Variants in FOXN2 observed in about 807,000 individuals in gnomAD.
The protein encoded by FOXN2 is forkhead box N2, also known as forkhead box protein N2.
Under a neutral mutation model 41.2 loss-of-function variants are expected in FOXN2, and 19 were observed. The ratio of observed to expected loss-of-function variants is 0.46; its 90% CI spans 0.32 to 0.68. The LOEUF (loss-of-function observed/expected upper bound fraction) is 0.68. FOXN2 is among the 30% of genes least tolerant of loss of function. The pLI is 0.03. For missense variants in FOXN2, 587 were observed against 509.4 expected (o/e 1.15, Z -1.47); for synonymous variants, 195 against 176.8 (o/e 1.10, Z -0.82).
chr2:48,370,156 C>T (rs72820439), intron 5 of FOXN2, among the ~76,000 whole-genome samples: 17,573 of 152,178 alleles, frequency 0.12, 1,458 homozygotes, highest in East Asian at 0.45. Context: ...ACATTCCATT[C>T]GTCTAGCTGT....
chr2:48,365,880 G>T (rs544049586), intron 5 of FOXN2, among the ~76,000 whole-genome samples: 3 of 152,244 alleles, frequency 2.0e-5, no homozygotes, highest in Admixed American at 2.0e-4. Context: ...TTGTTTTGGG[G>T]TATATTTCTG....
chr2:48,314,359 C>T (rs1270929017), upstream of FOXN2, among the ~76,000 whole-genome samples: 4 of 152,252 alleles, frequency 2.6e-5, no homozygotes, highest in Non-Finnish European at 4.4e-5. Flanking sequence ...CTTTCCCCTG[C>T]CCTGCTCAGC....
intron 2 of FOXN2, among the ~76,000 whole-genome samples, chr2:48,338,536 G>C (rs766103649): frequency 6.6e-6 from 1 of 152,022 alleles, no homozygotes; most frequent in Non-Finnish European, 1.5e-5. Context: ...CCAGCAGCCG[G>C]GACCACAGCC....
intron 3 of FOXN2, among the ~76,000 whole-genome samples, chr2:48,353,855 TA>T (rs1043118891): frequency 2.0e-5 from 3 of 151,974 alleles, no homozygotes; most frequent in African/African-American, 7.3e-5. Flanking sequence ...CTTTTTTTTT[TA>T]AACACTGTAC....
chr2:48,358,917 T>C (rs1391781476), intron 3 of FOXN2, 130 bp from the exon 4 acceptor site: 7 of 641,314 alleles, frequency 1.1e-5, no homozygotes, highest in Admixed American at 3.0e-5. Context: ...CATAGCAAGC[T>C]CACTTCAACC....
intron 4 of FOXN2, among the ~76,000 whole-genome samples, chr2:48,360,605 A>G (rs562168141): frequency 6.6e-6 from 1 of 152,292 alleles, no homozygotes; most frequent in South Asian, 2.1e-4. Context: ...TAAAAAGAAT[A>G]ACTGAGTGGT....
At chr2:48,370,901 T>C (rs994586369) in intron 5 of FOXN2, among the ~76,000 whole-genome samples, 7 of 152,230 alleles carry the variant, frequency 4.6e-5, no homozygotes, top group Non-Finnish European at 1.0e-4. Flanking sequence ...TCATCTTTGT[T>C]TTCTCCTGGT....
At position 48,375,550 on chromosome 2, in the gene FOXN2, T is replaced by G; in HGVS notation, c.*107T>G. Reference sequence around the variant, plus strand: ...GGGTAGGGAAGGGATACTAATTACTTATTTCTTTCAAAACATTTTTGGTTT... The same window carrying G: ...GGGTAGGGAAGGGATACTAATTACTGATTTCTTTCAAAACATTTTTGGTTT... On this transcript the variant is annotated 3_prime_UTR_variant, in exon 7 of 7. Transcript: ENST00000340553. The G allele has an allele frequency of 8.7e-7, 1 of 1,153,074 alleles. No homozygotes were observed. The highest frequency in any genetic ancestry group is 1.2e-6 in the Non-Finnish European group (1 of 843,654). The allele number at this position is 1,153,074 out of a possible 1,614,324, so 71.4% of individuals were successfully genotyped here.
intron 2 of FOXN2, among the ~76,000 whole-genome samples, chr2:48,332,559 A>G (rs1261650298): frequency 6.6e-6 from 1 of 152,182 alleles, no homozygotes; most frequent in Non-Finnish European, 1.5e-5. Context: ...CGTGAGGGAG[A>G]TCTATCCTTA....
intron 1 of FOXN2, among the ~76,000 whole-genome samples, chr2:48,320,541 C>A (rs538181454): frequency 1.3e-5 from 2 of 152,076 alleles, no homozygotes; most frequent in African/African-American, 4.8e-5. Context: ...CTGCCCACCT[C>A]GGCCTCCCAA....
intron 3 of FOXN2, among the ~76,000 whole-genome samples, chr2:48,349,667 C>T (rs557034840): frequency 2.5e-4 from 38 of 152,192 alleles, no homozygotes; most frequent in African/African-American, 7.2e-4. Flanking sequence ...CCCAGCTACT[C>T]GGGAGGCTGA....
Position 48,368,552 on chromosome 2 carries a change from C to A in FOXN2, c.704-4740C>A, listed in dbSNP as rs538132056. On this transcript the variant is annotated intron_variant, in intron 5 of 6. Transcript: ENST00000340553. The stretch of plus-strand genomic sequence containing the variant: ...ACCAAAAATATGAAAATTAGCCGGG[C>A]GTGGTGGTACACACCTGTGGTTCCA... Among the ~76,000 whole-genome samples, 22 of 152,116 alleles carry A rather than the reference C, an allele frequency of 1.4e-4. No individual in the cohort carries two copies. In the South Asian group the frequency reaches 4.2e-3, roughly 29 times the overall value.
intron 2 of FOXN2, among the ~76,000 whole-genome samples, chr2:48,336,894 A>T (rs1313051762): frequency 1.3e-5 from 2 of 152,168 alleles, no homozygotes; most frequent in Non-Finnish European, 2.9e-5. Flanking sequence ...TGCAATGTGA[A>T]ATAAGCACAT....
At chr2:48,317,806 C>T (rs1228346662) in intron 1 of FOXN2, among the ~76,000 whole-genome samples, 3 of 151,512 alleles carry the variant, frequency 2.0e-5, no homozygotes, top group Admixed American at 1.3e-4. Flanking sequence ...CGGAGTTTTA[C>T]CATGTTGGCC....
Position 48,331,792 on chromosome 2 carries a change from C to T in FOXN2, c.-15+3090C>T, listed in dbSNP as rs138854130. On this transcript the variant is annotated intron_variant, in intron 2 of 6. Transcript: ENST00000340553. ...TGATCATGCCACTGCACTCCGGCCT[C>T]GGTGACAGAACCAGAAAAAAAAAAA... is the stretch of plus-strand genomic sequence containing the variant. 6.5e-3 allele frequency among the ~76,000 whole-genome samples: 973 copies of T among 149,224 alleles called. 6 individuals carry two copies. The highest frequency in any genetic ancestry group is 0.011 in the Non-Finnish European group (719 of 67,558).
intron 5 of FOXN2, among the ~76,000 whole-genome samples, chr2:48,364,946 A>ATT (rs1338858814): frequency 8.5e-5 from 13 of 152,328 alleles, no homozygotes; most frequent in African/African-American, 3.1e-4. Context: ...CCTGTAGGTT[A>ATT]TTTAATCTGA....
chr2:48,343,082 G>A (rs1029630695), intron 2 of FOXN2, among the ~76,000 whole-genome samples: 9 of 152,254 alleles, frequency 5.9e-5, no homozygotes, highest in Admixed American at 3.9e-4. Flanking sequence ...TCTGTTTTAA[G>A]TAGTATTGAT....
intron 3 of FOXN2, among the ~76,000 whole-genome samples, chr2:48,351,906 A>G (rs1223869269): frequency 6.6e-6 from 1 of 152,232 alleles, no homozygotes; most frequent in Non-Finnish European, 1.5e-5. Context: ...GAAGGGTAAC[A>G]TATGCCAAAG....
intron 3 of FOXN2, among the ~76,000 whole-genome samples, chr2:48,355,984 A>T (rs534652323): frequency 6.6e-6 from 1 of 152,286 alleles, no homozygotes; most frequent in Admixed American, 6.5e-5. Flanking sequence ...CTGGCTGGGC[A>T]CAGTGGCACT....
Sources: gnomAD v4.1 joint callset for allele counts (sites outside exome capture counted in the v4.1 genomes callset) on GRCh38, gnomAD v4.1.1 for gene constraint, MANE v1.5 for transcripts, NCBI Gene and HGNC (gene_info 2026-07-23, HGNC 2026-07-21) for gene names.